Variants in COL4A5 observed in about 807,000 individuals in gnomAD.
COL4A5 encodes collagen type IV alpha 5 chain, also known as collagen alpha-5(IV) chain.
COL4A5 carries 26 observed loss-of-function variants against 130.2 expected under a neutral mutation model. The ratio of observed to expected loss-of-function variants is 0.20; its 90% CI spans 0.15 to 0.28. The LOEUF is 0.28. Among genes scored for constraint, COL4A5 ranks in the 10% least tolerant of loss-of-function variants. The pLI, the probability that COL4A5 is intolerant of heterozygous loss-of-function variation, is 1.00. For synonymous variants in COL4A5, 496 were observed against 439.6 expected (o/e 1.13, Z -1.60); for missense variants, 1,131 against 1,344.3 (o/e 0.84, Z 2.48).
chrX:108,456,674 C>T (rs2064587641), intron 1 of COL4A5, among the ~76,000 whole-genome samples: 1 of 111,493 alleles, frequency 9.0e-6, no homozygotes, highest in African/African-American at 3.3e-5. Flanking sequence ...ATTATATCAG[C>T]TGTAGGTTTT....
At chrX:108,569,612 A>G (rs1404266881) in intron 6 of COL4A5, among the ~76,000 whole-genome samples, 2 of 111,063 alleles carry the variant, frequency 1.8e-5, no homozygotes, top group African/African-American at 6.5e-5. Flanking sequence ...TTTTCACATA[A>G]TATTCTGTAA....
At chrX:108,655,281 A>G in intron 36 of COL4A5, 50 bp from the exon 37 acceptor site, 14 of 1,189,629 alleles carry the variant, frequency 1.2e-5, no homozygotes, top group Non-Finnish European at 1.6e-5. Context: ...TTCTTATACA[A>G]TCTAAGTCGT....
intron 43 of COL4A5, 146 bp from the exon 44 acceptor site, chrX:108,677,354 G>A: frequency 6.6e-6 from 3 of 457,564 alleles, no homozygotes; most frequent in Non-Finnish European, 1.1e-5. Flanking sequence ...TATTAGAAAG[G>A]GAATCAGCAT....
rs374615106 is a variant in COL4A5 at position 108,520,427 on chromosome X, A to T, written c.82-19319A>T. ...TAGAACACGTTTCTTAGTCATGTTC[A>T]AATCTTTCTACATTTTTACAGTTTA... On this transcript the variant is annotated intron_variant, in intron 1 of 52. Transcript: ENST00000328300. Among the ~76,000 whole-genome samples the T allele has an allele frequency of 5.4e-5, 6 of 111,941 alleles. No individual in the cohort carries two copies. The East Asian group carries it at 1.7e-3, about 31-fold the overall frequency.
chrX:108,488,776 T>G (rs953398188), intron 1 of COL4A5, among the ~76,000 whole-genome samples: 1 of 111,766 alleles, frequency 8.9e-6, no homozygotes, highest in Non-Finnish European at 1.9e-5. Flanking sequence ...CAATGTCTTT[T>G]CTCCTTAACT....
At chrX:108,544,115 G>A (rs370899746) in intron 2 of COL4A5, among the ~76,000 whole-genome samples, 3 of 111,672 alleles carry the variant, frequency 2.7e-5, no homozygotes, top group South Asian at 3.8e-4. Flanking sequence ...TCTCCTGCCT[G>A]ATTGCCCTGG....
At chrX:108,661,582 T>C (rs1050368470) in intron 37 of COL4A5, among the ~76,000 whole-genome samples, 1 of 112,007 alleles carries the variant, frequency 8.9e-6, no homozygotes, top group Non-Finnish European at 1.9e-5. Context: ...TCTATTTCTA[T>C]TGGTAGTTTT....
rs201123438 is a variant in COL4A5, at chrX:108,603,033, C to A, written c.2216C>A (p.Pro739His). The change falls in exon 28 of 53, where the codon CCT becomes CAT. Residue 739 changes from proline (P) to histidine (H), a missense_variant. By Grantham distance (77) the Pro-to-His change is moderately conservative. Transcript: ENST00000328300. Reference sequence around the variant, plus strand: ...GGAAGAATTGGTCTAGAAGGCCCTCCTGGGCCACCCGGCTTTCCAGGACCA... The same window carrying A: ...GGAAGAATTGGTCTAGAAGGCCCTCATGGGCCACCCGGCTTTCCAGGACCA... ...TPGRIGLEGP[P>H]GPPGFPGPKG... The A allele has an allele frequency of 1.2e-4, 139 of 1,184,526 alleles. No individual in the cohort carries two copies. In the Admixed American group the frequency reaches 1.4e-3, roughly 12 times the overall value.
intron 1 of COL4A5, among the ~76,000 whole-genome samples, chrX:108,512,533 A>T (rs774832620): frequency 7.7e-4 from 84 of 109,716 alleles, no homozygotes; most frequent in African/African-American, 1.5e-3. Context: ...TTTTTTTTTA[A>T]TTTTTTTTAT....
intron 1 of COL4A5, among the ~76,000 whole-genome samples, chrX:108,506,913 C>G: frequency 9.0e-6 from 1 of 110,904 alleles, no homozygotes; most frequent in Non-Finnish European, 1.9e-5. Context: ...ACCTGGTGGT[C>G]ATTGTTTATA....
chrX:108,615,924 T>C (rs1288784024), intron 30 of COL4A5, among the ~76,000 whole-genome samples: 2 of 112,437 alleles, frequency 1.8e-5, no homozygotes, highest in Non-Finnish European at 3.8e-5. Context: ...TAAATGGCAG[T>C]AGATATTTTG....
intron 25 of COL4A5, among the ~76,000 whole-genome samples, chrX:108,601,031 C>T (rs754968377): frequency 1.8e-5 from 2 of 111,543 alleles, no homozygotes; most frequent in Non-Finnish European, 3.8e-5. Context: ...CATCCTTATT[C>T]GTTTCACTGA....
intron 2 of COL4A5, among the ~76,000 whole-genome samples, chrX:108,551,074 A>G (rs1235255564): frequency 8.9e-6 from 1 of 111,843 alleles, no homozygotes; most frequent in African/African-American, 3.2e-5. Flanking sequence ...CATTCTAGAC[A>G]TTGGCCTTGG....
chrX:108,694,704 C>T lies in COL4A5; in HGVS notation c.4707-103C>T, dbSNP rs940331296. 4.9e-6 allele frequency: 3 copies of T among 609,339 alleles called. No individual in the cohort carries two copies. The African/African-American group carries it at 6.6e-5, about 13-fold the overall frequency. The allele number at this position is 609,339 out of a possible 1,213,427, so 50.2% of individuals were successfully genotyped here. A position where few individuals can be genotyped will look rare whatever the true frequency, so the allele number is the denominator to read the frequency against. On this transcript the variant is annotated intron_variant, in intron 50 of 52. Coordinates refer to ENST00000328300, the MANE Select transcript of COL4A5 (RefSeq NM_033380.3). Reference sequence around the variant, plus strand: ...CACCTTTTGTGATCATTGAAAGAGACATTAATCGGCTTCCATACTAAGAAG... The same window carrying T: ...CACCTTTTGTGATCATTGAAAGAGATATTAATCGGCTTCCATACTAAGAAG...
intron 32 of COL4A5, among the ~76,000 whole-genome samples, chrX:108,622,305 G>A (rs1424078551): frequency 1.8e-5 from 2 of 110,449 alleles, no homozygotes; most frequent in Non-Finnish European, 3.8e-5. Flanking sequence ...ATATTTTTTT[G>A]TATTTTTAAT....
Position 108,663,017 on chromosome X carries a change from A to G in COL4A5, c.3374-2490A>G, listed in dbSNP as rs1405939023. 7.1e-5 allele frequency among the ~76,000 whole-genome samples: 8 copies of G among 112,203 alleles called. No individual in the cohort carries two copies. The Admixed American group carries it at 7.5e-4, about 11-fold the overall frequency. On this transcript the variant is annotated intron_variant, in intron 37 of 52. Transcript: ENST00000328300. ...TAGCCATAGTAACATTGCTAAGGAG[A>G]GAATCCAGCTCAGCTGTGCCCAGAA...
chrX:108,624,474 A>C, intron 34 of COL4A5, 140 bp downstream of exon 34: 1 of 549,376 alleles, frequency 1.8e-6, no homozygotes, highest in South Asian at 2.6e-5. Flanking sequence ...TATGGAGCTC[A>C]CTTTCGGCAA....
At chrX:108,465,012 G>T (rs1185119208) in intron 1 of COL4A5, among the ~76,000 whole-genome samples, 2 of 111,985 alleles carry the variant, frequency 1.8e-5, no homozygotes, top group African/African-American at 6.5e-5. Context: ...ATATTGAGCA[G>T]TTTCATCACC....
intron 30 of COL4A5, among the ~76,000 whole-genome samples, chrX:108,619,762 A>G (rs1378353226): frequency 6.2e-5 from 7 of 112,295 alleles, no homozygotes; most frequent in African/African-American, 2.3e-4. Flanking sequence ...CTAATAATTT[A>G]TAATACATTA....
Sources: allele counts gnomAD v4.1 joint callset (sites outside exome capture counted in the v4.1 genomes callset), GRCh38; gene constraint gnomAD v4.1.1; transcripts MANE v1.5; gene names NCBI Gene and HGNC (gene_info 2026-07-23, HGNC 2026-07-21).